Variants in NCLN observed in about 807,000 individuals in gnomAD.
NCLN encodes the protein nicalin.
Under a neutral mutation model 69.5 loss-of-function variants are expected in NCLN, and 34 were observed. That is an observed-to-expected ratio of 0.49 (90% confidence interval 0.37 to 0.65). The LOEUF (loss-of-function observed/expected upper bound fraction) is 0.65, where lower values mean the gene tolerates loss of function less well. Ranked by LOEUF, NCLN falls within the 30% of genes least tolerant of loss-of-function variation. The pLI is 0.00. For missense variants in NCLN, 710 were observed against 804.8 expected (o/e 0.88, Z 1.42); for synonymous variants, 393 against 358.3 (o/e 1.10, Z -1.09).
intron 5 of NCLN, among the ~76,000 whole-genome samples, chr19:3,199,689 CTTTTTTTTTTTTT>C (rs71164662): frequency 5.8e-5 from 4 of 69,526 alleles, no homozygotes; most frequent in African/African-American, 2.1e-4. Context: ...CTGCCTCCTC[CTTTTTTTTTTTTT>C]TTTTTTTTTT....
Position 3,206,320 on chromosome 19 carries a change from C to T in NCLN, c.1394C>T (p.Ala465Val). Residue 465 changes from alanine to valine, a missense_variant, in exon 12 of 15, where the codon GCC (alanine) becomes GTC (valine). By Grantham distance (64) the Ala-to-Val change is moderately conservative (BLOSUM62 0). Coordinates refer to ENST00000246117, the MANE Select transcript of NCLN (RefSeq NM_020170.4). ...GACTGGCTCACCAACCAGCCGCGGG[C>T]CGCGCAGCTGGTGGACAAGGACAGC... ...VMDWLTNQPR[A>V]AQLVDKDSTF... The T allele has an allele frequency of 6.5e-7, 1 of 1,548,260 alleles. No individual in the cohort carries two copies. The highest frequency in any genetic ancestry group is 8.7e-7 in the Non-Finnish European group (1 of 1,146,916).
In NCLN at chr19:3,205,916, A is replaced by G. The variant is rs1907857800; in HGVS notation, c.1209-23A>G. On this transcript the variant is annotated intron_variant, in intron 9 of 14. Transcript: ENST00000246117. The surrounding 1 kb of genome is among the most constrained non-coding windows in gnomAD (Gnocchi z 4.6). ...GCCTGGCCCAAAGTCCACATTTTAA[A>G]ACATTGTTTTTGAATCGTGAAGGTC... 6.2e-7 allele frequency: 1 copy of G among 1,612,782 alleles called. No individual in the cohort carries two copies. The highest frequency in any genetic ancestry group is 1.3e-5 in the African/African-American group (1 of 74,972).
At chr19:3,195,392 G>A (rs1915929582) in intron 3 of NCLN, among the ~76,000 whole-genome samples, 1 of 151,916 alleles carries the variant, frequency 6.6e-6, no homozygotes, top group African/African-American at 2.4e-5. Flanking sequence ...TGGGACTACA[G>A]GTGCCCACCA....
At chr19:3,187,442 T>C (rs1014627643) in intron 1 of NCLN, among the ~76,000 whole-genome samples, 2 of 152,188 alleles carry the variant, frequency 1.3e-5, no homozygotes, top group Non-Finnish European at 2.9e-5. Flanking sequence ...TTGGTCCCTC[T>C]CGTCACATCT....
intron 1 of NCLN, among the ~76,000 whole-genome samples, chr19:3,189,879 C>T (rs576669010): frequency 3.9e-5 from 6 of 152,292 alleles, no homozygotes; most frequent in East Asian, 1.9e-4. Context: ...GGTGCTGACG[C>T]GAGGCGGGGC....
intron 3 of NCLN, among the ~76,000 whole-genome samples, chr19:3,195,082 GA>G (rs1230277569): frequency 6.6e-6 from 1 of 151,410 alleles, no homozygotes; most frequent in East Asian, 2.0e-4. Context: ...GCTGAGGTGG[GA>G]AGATCACTTG....
chr19:3,208,013 T>A lies in NCLN; in HGVS notation c.*325T>A. The A allele has an allele frequency of 2.9e-6, 1 of 341,794 alleles. No homozygotes were observed. Among genetic ancestry groups the A allele is most frequent in the South Asian group, 4.1e-5 (1 of 24,170 alleles). The allele number at this position is 341,794 out of a possible 1,614,324, so 21.2% of individuals were successfully genotyped here. A position where few individuals can be genotyped will look rare whatever the true frequency, so the allele number is the denominator to read the frequency against. On this transcript the variant is annotated 3_prime_UTR_variant, in exon 15 of 15. Transcript: ENST00000246117. ...TCTGGTGTAAGCACACATGCACGAT[T>A]AAAGAGGAGACGCCGGGACCCCCTG...
rs1348680170 is a variant in NCLN, at chr19:3,208,652, G to A, written c.*964G>A. 6.6e-6 allele frequency: 1 copy of A among 152,572 alleles called. No individual in the cohort carries two copies. Among genetic ancestry groups the A allele is most frequent in the African/African-American group, 2.4e-5 (1 of 41,480 alleles). The allele number at this position is 152,572 out of a possible 1,614,324, so 9.5% of individuals were successfully genotyped here. A position where few individuals can be genotyped will look rare whatever the true frequency, so the allele number is the denominator to read the frequency against. ...GGGAACTGGGTGCGGGTGGAGTACT[G>A]GGAGGCAGGAGGTGGCCCGGGGAGG... On this transcript the variant is annotated 3_prime_UTR_variant, in exon 15 of 15. Coordinates refer to ENST00000246117, the MANE Select transcript of NCLN (RefSeq NM_020170.4).
At position 3,193,400 on chromosome 19, in the gene NCLN, C is replaced by T. The variant is rs1217874841; in HGVS notation, c.492C>T (p.Ala164=). The stretch of plus-strand genomic sequence containing the variant: ...ACAAGCAGACCCAGGCTGCCTCCGC[C>T]TCCCAGGGCTCCGCCTCTGCTGCTG... ...SIYKQTQAAS[A]SQGSASAAEV... is the part of the protein sequence containing the mutation. The change falls in exon 3 of 15, where the codon GCC becomes GCT. Residue 164 remains alanine, a synonymous_variant. Transcript: ENST00000246117. The T allele has an allele frequency of 6.2e-7, 1 of 1,608,570 alleles. No individual in the cohort carries two copies. The highest frequency in any genetic ancestry group is 1.1e-5 in the South Asian group (1 of 90,996).
intron 5 of NCLN, among the ~76,000 whole-genome samples, chr19:3,199,261 C>A (rs903101536): frequency 6.6e-6 from 1 of 152,240 alleles, no homozygotes; most frequent in African/African-American, 2.4e-5. Flanking sequence ...TAGCAGAGTC[C>A]GCGAAGGGAA....
intron 1 of NCLN, among the ~76,000 whole-genome samples, chr19:3,189,323 C>G (rs778332038): frequency 1.3e-5 from 2 of 152,256 alleles, no homozygotes; most frequent in African/African-American, 4.8e-5. Context: ...CTTGCCAAAA[C>G]TCCTTCATCT....
At chr19:3,200,778 A>C (rs1304701398) in intron 5 of NCLN, among the ~76,000 whole-genome samples, 1 of 151,926 alleles carries the variant, frequency 6.6e-6, no homozygotes, top group African/African-American at 2.4e-5. Flanking sequence ...TCCCCTCCCC[A>C]GCCCCAGAAC....
intron 5 of NCLN, among the ~76,000 whole-genome samples, chr19:3,200,310 G>GT (rs539601039): frequency 0.013 from 1,473 of 114,898 alleles, 22 homozygotes; most frequent in South Asian, 0.019. Flanking sequence ...TTTTATTTAT[G>GT]TATTTTTTTT....
chr19:3,190,261 A>C (rs1915782936), intron 1 of NCLN, among the ~76,000 whole-genome samples: 1 of 152,130 alleles, frequency 6.6e-6, no homozygotes. Context: ...TGGTGATGTC[A>C]GGCTCTGAGA....
At chr19:3,199,865 T>G (rs1379386541) in intron 5 of NCLN, among the ~76,000 whole-genome samples, 1 of 151,832 alleles carries the variant, frequency 6.6e-6, no homozygotes, top group Non-Finnish European at 1.5e-5. Context: ...CACACCTGGC[T>G]AATTTTTTTT....
At chr19:3,191,958 G>C (rs931698019) in intron 1 of NCLN, among the ~76,000 whole-genome samples, 1 of 152,184 alleles carries the variant, frequency 6.6e-6, no homozygotes, top group Non-Finnish European at 1.5e-5. Flanking sequence ...GGAGGCCAAG[G>C]TGCGAGTATC....
Position 3,191,164 on chromosome 19 carries a change from G to T in NCLN, c.185-1306G>T, listed in dbSNP as rs886848876. 2.6e-5 allele frequency among the ~76,000 whole-genome samples: 4 copies of T among 151,998 alleles called. No homozygotes were observed. The East Asian group carries it at 5.8e-4, about 22-fold the overall frequency. ...TTGCAGGGGTGAAGTGGCAGCAAGT[G>T]GGGGGTCCGTGTGCAGCTCAGGTGT... On this transcript the variant is annotated intron_variant, in intron 1 of 14. Coordinates refer to ENST00000246117, the MANE Select transcript of NCLN (RefSeq NM_020170.4).
At chr19:3,196,729 G>A (rs1432464619) in intron 4 of NCLN, among the ~76,000 whole-genome samples, 2 of 152,240 alleles carry the variant, frequency 1.3e-5, no homozygotes, top group Non-Finnish European at 2.9e-5. Flanking sequence ...AGGGTGGGGA[G>A]CTGCCGGTGC....
In NCLN at chr19:3,209,530, A is replaced by T. The variant is rs1381942005; in HGVS notation, c.*1842A>T. 1 of 152,254 alleles carries T rather than the reference A, an allele frequency of 6.6e-6. No individual in the cohort carries two copies. Among genetic ancestry groups the T allele is most frequent in the East Asian group, 1.9e-4 (1 of 5,192 alleles). The allele number at this position is 152,254 out of a possible 1,614,324, so 9.4% of individuals were successfully genotyped here. On this transcript the variant is annotated 3_prime_UTR_variant, in exon 15 of 15. Coordinates refer to ENST00000246117, the MANE Select transcript of NCLN (RefSeq NM_020170.4). ...CGTCTGGGGCTCAGGCTGGTGTGGGATGCAGCCGGCCGATGAGAAAATAAA... is the reference window on the plus strand; with the variant it reads ...CGTCTGGGGCTCAGGCTGGTGTGGGTTGCAGCCGGCCGATGAGAAAATAAA...
Sources: gnomAD v4.1 joint callset for allele counts (sites outside exome capture counted in the v4.1 genomes callset) on GRCh38, gnomAD v4.1.1 for gene constraint, Gnocchi (gnomAD v3.1) non-coding constraint, MANE v1.5 for transcripts, NCBI Gene and HGNC (gene_info 2026-07-23, HGNC 2026-07-21) for gene names.